CACNA2D1: variants seen among roughly 807,000 people sequenced by gnomAD.
CACNA2D1 encodes the protein calcium voltage-gated channel auxiliary subunit alpha2delta 1.
In CACNA2D1, 53 loss-of-function variants were observed where a neutral mutation model predicts 171.5. That is an observed-to-expected ratio of 0.31 (90% CI 0.25 to 0.39). The LOEUF is 0.39. Among genes scored for constraint, CACNA2D1 ranks in the 10% least tolerant of loss-of-function variants. The pLI is 1.00. For missense variants in CACNA2D1, 903 were observed against 1,299.8 expected, an observed-to-expected ratio of 0.69 and a Z score of 4.69; for synonymous variants, 442 against 443.1, an observed-to-expected ratio of 1.00 and a Z score of 0.03.
chr7:82,390,446 C>T (rs1320381168), intron 1 of CACNA2D1, among the ~76,000 whole-genome samples: 1 of 152,136 alleles, frequency 6.6e-6, no homozygotes, highest in Non-Finnish European at 1.5e-5. Flanking sequence ...GGTAATTGAG[C>T]AAACCTGGAG....
At chr7:82,430,823 GA>G (rs1286888437) in intron 1 of CACNA2D1, among the ~76,000 whole-genome samples, 1 of 152,152 alleles carries the variant, frequency 6.6e-6, no homozygotes, top group Admixed American at 6.5e-5. Context: ...GGGTAGTCTG[GA>G]ATCATTTCTA....
intron 6 of CACNA2D1, among the ~76,000 whole-genome samples, chr7:82,099,776 G>T (rs1374770198): frequency 6.6e-6 from 1 of 152,122 alleles, no homozygotes; most frequent in Non-Finnish European, 1.5e-5. Context: ...AGGAAGGTAG[G>T]AGTGTGTGTG....
At chr7:82,340,953 C>T (rs989278439) in intron 2 of CACNA2D1, among the ~76,000 whole-genome samples, 15 of 152,280 alleles carry the variant, frequency 9.9e-5, no homozygotes, top group African/African-American at 2.9e-4. Context: ...ATCTTCAATA[C>T]TAATGAAGGC....
Position 81,984,729 on chromosome 7 carries a change from G to A in CACNA2D1, c.1797-18C>T, listed in dbSNP as rs760966998. 4.5e-6 allele frequency: 6 copies of A among 1,346,430 alleles called. No homozygotes were observed. In the Admixed American group the frequency reaches 5.8e-5, roughly 13 times the overall value. 83.4% of individuals were successfully genotyped at this position (1,346,430 alleles called of 1,614,324 possible). Reference sequence around the variant, plus strand: ...AGGCCAAACTGCAATAGAAACAAGAGAAGCATAAACACAAACAAACAAAAA... The same window carrying A: ...AGGCCAAACTGCAATAGAAACAAGAAAAGCATAAACACAAACAAACAAAAA... On this transcript the variant is annotated intron_variant, in intron 21 of 38. Transcript: ENST00000356860.
chr7:82,069,003 A>T (rs1350778556), intron 7 of CACNA2D1, among the ~76,000 whole-genome samples: 1 of 152,164 alleles, frequency 6.6e-6, no homozygotes, highest in African/African-American at 2.4e-5. Context: ...AATATTAATA[A>T]TCTTCTCTTA....
At chr7:81,982,512 C>T in intron 24 of CACNA2D1, 55 bp downstream of exon 24, 2 of 947,494 alleles carry the variant, frequency 2.1e-6, no homozygotes, top group Non-Finnish European at 3.5e-6. Flanking sequence ...TTCTGAACTA[C>T]TGTTGAAGGC....
chr7:82,151,691 TAC>T lies in CACNA2D1; in HGVS notation c.355-15017_355-15016del, dbSNP rs146421144. The stretch of plus-strand genomic sequence containing the variant: ...AATACTGCAGAGAAGCTGAGCCAAT[TAC>T]AGAGTTGTCTACATTTTCAACTGTG... On this transcript the variant is annotated intron_variant, in intron 4 of 38. Coordinates refer to ENST00000356860, the MANE Select transcript of CACNA2D1 (RefSeq NM_000722.4). Among the ~76,000 whole-genome samples, 507 of 152,196 alleles carry T rather than the reference TAC, an allele frequency of 3.3e-3. 14 individuals carry two copies. In the East Asian group the frequency reaches 0.073, roughly 22 times the overall value.
intron 14 of CACNA2D1, 86 bp downstream of exon 14, chr7:82,013,375 A>G: frequency 4.2e-6 from 2 of 477,424 alleles, no homozygotes; most frequent in Non-Finnish European, 6.7e-6. Context: ...CATTCTTGCT[A>G]ATTTTCTCCA....
At chr7:82,073,829 G>T (rs2042147) in intron 7 of CACNA2D1, among the ~76,000 whole-genome samples, 1 of 151,770 alleles carries the variant, frequency 6.6e-6, no homozygotes, top group Non-Finnish European at 1.5e-5. Context: ...TCGAACTCCT[G>T]ACCTCAGGTG....
intron 4 of CACNA2D1, among the ~76,000 whole-genome samples, chr7:82,147,612 G>T (rs113335328): frequency 6.3e-4 from 96 of 152,210 alleles, no homozygotes; most frequent in Non-Finnish European, 1.0e-3. Flanking sequence ...CTTGACTCAT[G>T]ATCCAGGTCA....
At chr7:82,089,827 C>G (rs547213339) in intron 6 of CACNA2D1, among the ~76,000 whole-genome samples, 1 of 152,260 alleles carries the variant, frequency 6.6e-6, no homozygotes, top group East Asian at 1.9e-4. Flanking sequence ...AAATGTTGCA[C>G]TATTGCTCCC....
In CACNA2D1 at chr7:82,146,983, C is replaced by CAAAAAAAAAAAAA. The variant is rs764990586; in HGVS notation, c.355-10320_355-10308dup. Among the ~76,000 whole-genome samples the CAAAAAAAAAAAAA allele has an allele frequency of 1.2e-4, 3 of 25,476 alleles. 1 individual carries two copies. Among genetic ancestry groups the CAAAAAAAAAAAAA allele is most frequent in the African/African-American group, 6.2e-4 (3 of 4,842 alleles). 16.7% of individuals were successfully genotyped at this position (25,476 alleles called of 152,430 possible). On this transcript the variant is annotated intron_variant, in intron 4 of 38. Coordinates refer to ENST00000356860, the MANE Select transcript of CACNA2D1 (RefSeq NM_000722.4). ...CTGGGTGATAGCAAGACTCCCATCT[C>CAAAAAAAAAAAAA]AAAAAAAAAAAAAAAAAAAAAAAAA...
intron 1 of CACNA2D1, among the ~76,000 whole-genome samples, chr7:82,379,299 A>C (rs1217111537): frequency 7.7e-6 from 1 of 130,538 alleles, no homozygotes; most frequent in Non-Finnish European, 1.6e-5. Flanking sequence ...AATCCATGGA[A>C]ACATAATTCA....
rs1469050795 is a variant in CACNA2D1 at position 82,012,172 on chromosome 7, A to G, written c.1344T>C (p.Asn448=). 6.3e-7 allele frequency: 1 copy of G among 1,597,500 alleles called. No homozygotes were observed. The highest frequency in any genetic ancestry group is 1.7e-4 in the Middle Eastern group (1 of 6,022). The change falls in exon 15 of 39, where the codon AAT becomes AAC. Residue 448 remains asparagine (N), a synonymous_variant. Transcript: ENST00000356860. ...GDKAKQVQWT[N]VYLDALELGL... ...CTCTTACCAATGCATCCAGGTACAC[A>G]TTTGTCCATTGGACTTGCTTAGCTT...
intron 7 of CACNA2D1, among the ~76,000 whole-genome samples, chr7:82,066,935 C>A (rs566354064): frequency 6.6e-6 from 1 of 152,174 alleles, no homozygotes; most frequent in East Asian, 1.9e-4. Context: ...CTATATAAGA[C>A]AGCTGTTTTT....
At chr7:82,268,472 C>T (rs1284254751) in intron 3 of CACNA2D1, among the ~76,000 whole-genome samples, 1 of 152,136 alleles carries the variant, frequency 6.6e-6, no homozygotes, top group Non-Finnish European at 1.5e-5. Flanking sequence ...CAAAAATTTA[C>T]TGGGGGCAAC....
At chr7:82,247,346 C>T (rs193020960) in intron 3 of CACNA2D1, among the ~76,000 whole-genome samples, 2 of 151,904 alleles carry the variant, frequency 1.3e-5, no homozygotes, top group South Asian at 2.1e-4. Context: ...CCTGTCTCTA[C>T]AAGAAATACA....
chr7:82,148,375 T>C (rs1308449121), intron 4 of CACNA2D1, among the ~76,000 whole-genome samples: 3 of 148,636 alleles, frequency 2.0e-5, no homozygotes. Context: ...AAAAGGAATA[T>C]TGAGAATTTC....
At chr7:82,307,821 T>C (rs997806152) in intron 3 of CACNA2D1, among the ~76,000 whole-genome samples, 2 of 152,120 alleles carry the variant, frequency 1.3e-5, no homozygotes, top group Non-Finnish European at 2.9e-5. Flanking sequence ...TCTGTTTAAA[T>C]GCAAAGAGGG....
Sources: gnomAD v4.1 joint callset for allele counts (sites outside exome capture counted in the v4.1 genomes callset) on GRCh38, gnomAD v4.1.1 for gene constraint, MANE v1.5 for transcripts, NCBI Gene and HGNC (gene_info 2026-07-23, HGNC 2026-07-21) for gene names.